Variants in CCDC144A observed in about 807,000 individuals in gnomAD.
CCDC144A encodes the protein coiled-coil domain-containing protein 144A.
CCDC144A carries 41 observed loss-of-function variants against 143.8 expected under a neutral mutation model. The observed-to-expected ratio is 0.29, with a 90% CI of 0.22 to 0.37. The LOEUF is 0.37. Ranked by LOEUF, CCDC144A falls within the 10% of genes least tolerant of loss-of-function variation. The pLI is 1.00. For missense variants in CCDC144A, 637 were observed against 1,488.8 expected, an observed-to-expected ratio of 0.43 and a Z score of 9.41; for synonymous variants, 242 against 517.9, an observed-to-expected ratio of 0.47 and a Z score of 7.23.
At chr17:16,686,347 C>T (rs1002774793), upstream of CCDC144A, among the ~76,000 whole-genome samples, 3 of 152,080 alleles carry the variant, frequency 2.0e-5, no homozygotes, top group African/African-American at 7.2e-5. Flanking sequence ...GCCAAACTCT[C>T]CATTTTTGTC....
chr17:16,687,018 C>A (rs1910809132), upstream of CCDC144A, among the ~76,000 whole-genome samples: 1 of 151,970 alleles, frequency 6.6e-6, no homozygotes, highest in Non-Finnish European at 1.5e-5. Context: ...ACTCAGAGCA[C>A]CAGGTGAAGG....
At chr17:16,729,867 A>AT (rs199888380) in intron 9 of CCDC144A, among the ~76,000 whole-genome samples, 8,070 of 141,190 alleles carry the variant, frequency 0.057, 316 homozygotes, top group Non-Finnish European at 0.078. Context: ...AAAAAAAAAA[A>AT]ATATATATAT....
chr17:16,745,471 T>C (rs1914451093), intron 12 of CCDC144A, among the ~76,000 whole-genome samples: 1 of 152,128 alleles, frequency 6.6e-6, no homozygotes, highest in Non-Finnish European at 1.5e-5. Context: ...ATCACTACTT[T>C]CTTTAGAATG....
intron 12 of CCDC144A, among the ~76,000 whole-genome samples, chr17:16,757,322 G>A (rs1597588337): frequency 6.6e-6 from 1 of 152,276 alleles, no homozygotes; most frequent in Non-Finnish European, 1.5e-5. Context: ...AAGGCAGTGT[G>A]TGGAGCAGGC....
chr17:16,668,761 G>C, the CCDC144A span, among the ~76,000 whole-genome samples: 1 of 152,182 alleles, frequency 6.6e-6, no homozygotes, highest in African/African-American at 2.4e-5. Flanking sequence ...CTTTCAACAA[G>C]AGACATTTAT....
At chr17:16,686,613 C>A (rs1337894347), upstream of CCDC144A, among the ~76,000 whole-genome samples, 1 of 151,412 alleles carries the variant, frequency 6.6e-6, no homozygotes, top group Non-Finnish European at 1.5e-5. Context: ...CGGGACCAGC[C>A]TGGGCAACAT....
intron 9 of CCDC144A, among the ~76,000 whole-genome samples, chr17:16,730,209 A>G (rs2143229118): frequency 8.7e-6 from 1 of 114,934 alleles, no homozygotes; most frequent in East Asian, 2.3e-4. Flanking sequence ...ACATGTGGCT[A>G]TTCAATTTTC....
intron 12 of CCDC144A, among the ~76,000 whole-genome samples, chr17:16,737,131 GT>G (rs200763258): frequency 7.6e-6 from 1 of 130,968 alleles, no homozygotes; most frequent in African/African-American, 2.8e-5. Context: ...ATGTGTTGAT[GT>G]TTTTCAAAGT....
chr17:16,701,968 C>T (rs2143080111), intron 2 of CCDC144A, among the ~76,000 whole-genome samples: 1 of 151,782 alleles, frequency 6.6e-6, no homozygotes, highest in East Asian at 1.9e-4. Context: ...GAAGATCAGG[C>T]AGTGAACACT....
intron 6 of CCDC144A, among the ~76,000 whole-genome samples, chr17:16,715,022 C>T (rs1912663334): frequency 6.6e-6 from 1 of 152,124 alleles, no homozygotes; most frequent in African/African-American, 2.4e-5. Flanking sequence ...TACTTAAAAG[C>T]CCCTTTCTCA....
intron 2 of CCDC144A, among the ~76,000 whole-genome samples, chr17:16,703,276 T>G (rs1426960684): frequency 6.6e-6 from 1 of 151,758 alleles, no homozygotes; most frequent in Non-Finnish European, 1.5e-5. Flanking sequence ...TGTTTTACAC[T>G]CTACATATTT....
At chr17:16,667,347 A>AGGG in the CCDC144A span, among the ~76,000 whole-genome samples, 1 of 119,726 alleles carries the variant, frequency 8.4e-6, no homozygotes, top group African/African-American at 3.4e-5. Flanking sequence ...GCGGCTGAGG[A>AGGG]GCTGAGGGGC....
At chr17:16,757,200 T>C (rs1166344334) in intron 12 of CCDC144A, among the ~76,000 whole-genome samples, 1 of 152,258 alleles carries the variant, frequency 6.6e-6, no homozygotes, top group African/African-American at 2.4e-5. Flanking sequence ...CAGTAGCAGC[T>C]GGGGGCCGGA....
At chr17:16,746,565 T>C (rs1914531213) in intron 12 of CCDC144A, 2 of 1,613,836 alleles carry the variant, frequency 1.2e-6, no homozygotes, top group East Asian at 2.2e-5. Flanking sequence ...TCAAGGAAGA[T>C]ATATCCATCA....
At chr17:16,753,451 T>G (rs1279759530) in intron 12 of CCDC144A, among the ~76,000 whole-genome samples, 12 of 142,582 alleles carry the variant, frequency 8.4e-5, no homozygotes, top group Non-Finnish European at 1.5e-4. Flanking sequence ...TTTTTTTTTT[T>G]TTTTTGTAAA....
At chr17:16,667,911 G>T in the CCDC144A span, among the ~76,000 whole-genome samples, 1 of 148,184 alleles carries the variant, frequency 6.7e-6, no homozygotes, top group African/African-American at 2.5e-5. Flanking sequence ...TTTGTGCAGA[G>T]GTGGGAAGAC....
chr17:16,711,765 T>C lies in CCDC144A; in HGVS notation c.1665T>C (p.Asp555=), dbSNP rs560068310. ...ATGGTACTACTGTTGGCAATGATGA[T>C]GATGGACTAAATCAGCAGATTCCTA... ...LTDGTTVGND[D]DGLNQQIPRK... The change falls in exon 6 of 17, where the codon GAT becomes GAC. Residue 555 remains aspartate (D), a synonymous_variant. Transcript: ENST00000399273. The C allele has an allele frequency of 2.1e-4, 331 of 1,598,352 alleles. 1 individual carries two copies. In the African/African-American group the frequency reaches 3.9e-3, roughly 19 times the overall value.
At chr17:16,706,618 C>T (rs1303059311) in intron 3 of CCDC144A, 11 of 147,396 alleles carry the variant, frequency 7.5e-5, no homozygotes, top group South Asian at 2.2e-4. Context: ...AGCCTCAGCT[C>T]GGGCAGGATC....
upstream of CCDC144A, among the ~76,000 whole-genome samples, chr17:16,687,566 A>G (rs1480449228): frequency 6.6e-6 from 1 of 152,144 alleles, no homozygotes; most frequent in Admixed American, 6.5e-5. Flanking sequence ...AATCTCTGCC[A>G]TGTTCTCTTC....
Sources: gnomAD v4.1 joint callset for allele counts (sites outside exome capture counted in the v4.1 genomes callset) on GRCh38, gnomAD v4.1.1 for gene constraint, MANE v1.5 for transcripts, NCBI Gene and HGNC (gene_info 2026-07-23, HGNC 2026-07-21) for gene names.